The following IDUA variants were observed in gnomAD, a reference collection of about 807,000 sequenced individuals.
IDUA encodes alpha-L-iduronidase.
Under a neutral mutation model 68.9 loss-of-function variants are expected in IDUA, and 65 were observed. That is an observed-to-expected ratio of 0.94 (90% CI 0.77 to 1.16). The LOEUF (loss-of-function observed/expected upper bound fraction) is 1.16, where lower values mean the gene tolerates loss of function less well. IDUA is among the 50% of genes most tolerant of loss of function. The pLI, the probability that IDUA is intolerant of heterozygous loss-of-function variation, is 0.00. For synonymous variants in IDUA, 529 were observed against 433.6 expected (o/e 1.22, Z -2.73); for missense variants, 1,046 against 938.0 (o/e 1.12, Z -1.50).
chr4:991,612 A>G lies in IDUA; in HGVS notation c.299+3663A>G. On this transcript the variant is annotated intron_variant, in intron 2 of 13. Coordinates refer to ENST00000514224, the MANE Select transcript of IDUA (RefSeq NM_000203.5). ...GCAGCTGCACCACAGCCTGGCCTTCAGCATCTCACGCAGACCCCGGGGTGC... is the reference window on the plus strand; with the variant it reads ...GCAGCTGCACCACAGCCTGGCCTTCGGCATCTCACGCAGACCCCGGGGTGC... 1.3e-6 allele frequency: 2 copies of G among 1,591,892 alleles called. No homozygotes were observed.
At chr4:990,358 A>G (rs754520907) in intron 2 of IDUA, 1 of 1,597,710 alleles carries the variant, frequency 6.3e-7, no homozygotes, top group Non-Finnish European at 8.5e-7. Context: ...GACGCCCATG[A>G]GGACCTGTGG....
chr4:993,145 G>A (rs902114971), intron 2 of IDUA, among the ~76,000 whole-genome samples: 1 of 152,198 alleles, frequency 6.6e-6, no homozygotes, highest in African/African-American at 2.4e-5. Context: ...CCCACCCCAA[G>A]CCCCTGGGGT....
At chr4:989,526 C>T (rs775844133) in intron 2 of IDUA, 25 of 1,554,698 alleles carry the variant, frequency 1.6e-5, no homozygotes, top group Middle Eastern at 1.7e-4. Context: ...CCCAGACCAG[C>T]GCGTCAGCCG....
At chr4:994,084 A>T (rs1359796476) in intron 2 of IDUA, among the ~76,000 whole-genome samples, 4 of 152,306 alleles carry the variant, frequency 2.6e-5, no homozygotes, top group African/African-American at 7.2e-5. Context: ...GTGAAGATAA[A>T]TGATTTTTTT....
At chr4:987,010 C>G (rs1577506578), upstream of IDUA, 2 of 1,223,762 alleles carry the variant, frequency 1.6e-6, no homozygotes, top group Non-Finnish European at 2.1e-6. Context: ...ACATGGGGTG[C>G]GCGCCCAGAC....
At chr4:997,346 C>A (rs1714799193) in intron 2 of IDUA, among the ~76,000 whole-genome samples, 1 of 151,290 alleles carries the variant, frequency 6.6e-6, no homozygotes, top group African/African-American at 2.4e-5. Flanking sequence ...ACTCCCACCC[C>A]CACCCTCAGG....
chr4:1,001,948 G>C, intron 6 of IDUA, 34 bp from the exon 7 acceptor site: 1 of 1,572,622 alleles, frequency 6.4e-7, no homozygotes, highest in Non-Finnish European at 8.6e-7. Context: ...GGGCCGCGCT[G>C]ACCCTGGTGG....
chr4:1,004,449 T>C lies in IDUA; in HGVS notation c.*56T>C. On this transcript the variant is annotated 3_prime_UTR_variant, in exon 14 of 14. Coordinates refer to ENST00000514224, the MANE Select transcript of IDUA (RefSeq NM_000203.5). This position sits in a 1 kb window ranked among gnomAD's most constrained non-coding sequence, Gnocchi z 5.0. ...CCACCGGCAGTCAGCGAGCTGGGGCTGCACTGTGCCCATGCTGCCCTCCCA... is the reference window on the plus strand; with the variant it reads ...CCACCGGCAGTCAGCGAGCTGGGGCCGCACTGTGCCCATGCTGCCCTCCCA... 1.3e-6 allele frequency: 2 copies of C among 1,574,464 alleles called. No homozygotes were observed. Among genetic ancestry groups the C allele is most frequent in the South Asian group, 1.1e-5 (1 of 90,298 alleles).
intron 2 of IDUA, among the ~76,000 whole-genome samples, chr4:995,388 T>C (rs971270275): frequency 9.4e-5 from 14 of 149,366 alleles, no homozygotes; most frequent in African/African-American, 2.9e-4. Flanking sequence ...GAGCCTCAGG[T>C]CCCCCCGACT....
chr4:999,473 C>T (rs886583694), intron 2 of IDUA, among the ~76,000 whole-genome samples: 7 of 152,254 alleles, frequency 4.6e-5, no homozygotes, highest in African/African-American at 1.7e-4. Context: ...TTCCTGCTGG[C>T]TGGTCCCGTT....
rs377022205 is a variant in IDUA at position 998,997 on chromosome 4, A to G, written c.300-1615A>G. Among the ~76,000 whole-genome samples the G allele has an allele frequency of 9.3e-3, 1,415 of 152,072 alleles. 14 individuals are homozygous for G. Among genetic ancestry groups the G allele is most frequent in the East Asian group, 0.021 (108 of 5,148 alleles). ...AGGTGGGCGGATCACGAGGTCAGGA[A>G]ATGGAAACCATCCTGGCTAACATGG... is the stretch of plus-strand genomic sequence containing the variant. On this transcript the variant is annotated intron_variant, in intron 2 of 13. Coordinates refer to ENST00000514224, the MANE Select transcript of IDUA (RefSeq NM_000203.5).
rs1370975987 is a variant in IDUA, at chr4:1,000,650, A to G, written c.338A>G (p.His113Arg). The change falls in exon 3 of 14, where the codon CAC (histidine) becomes CGC (arginine). Residue 113 changes from histidine to arginine, a missense_variant. Physicochemically the swap from His to Arg is conservative, Grantham distance 29. Coordinates refer to ENST00000514224, the MANE Select transcript of IDUA (RefSeq NM_000203.5). ...CGGGGCCTGAGCTACAACTTCACCC[A>G]CCTGGACGGGTACCTGGACCTTCTC... ...TGRGLSYNFT[H>R]LDGYLDLLRE... is the part of the protein sequence containing the mutation. 1.2e-6 allele frequency: 2 copies of G among 1,612,578 alleles called. No individual in the cohort carries two copies. The highest frequency in any genetic ancestry group is 2.2e-5 in the East Asian group (1 of 44,880).
At chr4:989,855 T>G (rs776490170) in intron 2 of IDUA, 2 of 1,576,786 alleles carry the variant, frequency 1.3e-6, no homozygotes, top group African/African-American at 2.7e-5. Context: ...CGGGCGAACA[T>G]CTCCGCCAGC....
intron 2 of IDUA, chr4:988,695 G>T: frequency 7.1e-7 from 1 of 1,411,980 alleles, no homozygotes; most frequent in Non-Finnish European, 9.2e-7. Context: ...GGGGTTCCCC[G>T]GTTTCCCCAG....
chr4:988,815 TG>T, intron 2 of IDUA: 1 of 1,548,930 alleles, frequency 6.5e-7, no homozygotes, highest in Non-Finnish European at 8.7e-7. Context: ...CAGAGGCTGC[TG>T]GGCAGGCCTG....
At chr4:1,000,521 C>T (rs1715007689) in intron 2 of IDUA, 91 bp from the exon 3 acceptor site, 2 of 1,008,390 alleles carry the variant, frequency 2.0e-6, no homozygotes, top group South Asian at 2.6e-5. Context: ...ACCTTGCAGG[C>T]TCCCACATGC....
intron 2 of IDUA, among the ~76,000 whole-genome samples, chr4:998,648 C>A (rs1714883877): frequency 6.6e-6 from 1 of 152,148 alleles, no homozygotes; most frequent in South Asian, 2.1e-4. Flanking sequence ...GACCCTTGCA[C>A]ACCAATCTCC....
At position 987,184 on chromosome 4, in the gene IDUA, G is replaced by A. The variant is rs1713794298; in HGVS notation, c.100G>A (p.Val34Met). Residue 34 changes from valine (V) to methionine (M), a missense_variant, in exon 1 of 14, where the codon GTG (valine) becomes ATG (methionine). Val to Met is a conservative substitution (Grantham distance 21). Transcript: ENST00000514224. ...APAEAPHLVH[V>M]DAARALWPLR... is the part of the protein sequence containing the mutation. ...GGCCGAGGCCCCGCACCTGGTGCAT[G>A]TGGACGCGGCCCGCGCGCTGTGGCC... The A allele has an allele frequency of 6.8e-7, 1 of 1,473,610 alleles. No homozygotes were observed. Among genetic ancestry groups the A allele is most frequent in the Non-Finnish European group, 8.9e-7 (1 of 1,118,686 alleles). 91.3% of individuals were successfully genotyped at this position (1,473,610 alleles called of 1,614,324 possible).
Position 991,531 on chromosome 4 carries a change from C to T in IDUA, c.299+3582C>T, listed in dbSNP as rs866039640. 3.7e-5 allele frequency: 59 copies of T among 1,605,816 alleles called. 1 individual carries two copies. The highest frequency in any genetic ancestry group is 9.4e-5 in the African/African-American group (7 of 74,838). On this transcript the variant is annotated intron_variant, in intron 2 of 13. Transcript: ENST00000514224. The stretch of plus-strand genomic sequence containing the variant: ...CCGCGGGCGGTACTGACGCAGCCAG[C>T]GCGTGGCGGGGAGCAGGTCCTGCAC...
Sources: gnomAD v4.1 joint callset for allele counts (sites outside exome capture counted in the v4.1 genomes callset) on GRCh38, gnomAD v4.1.1 for gene constraint, Gnocchi (gnomAD v3.1) non-coding constraint, MANE v1.5 for transcripts, NCBI Gene and HGNC (gene_info 2026-07-23, HGNC 2026-07-21) for gene names.